The following KAT6B variants were observed in gnomAD, a reference collection of about 807,000 sequenced individuals.
KAT6B encodes lysine acetyltransferase 6B.
In KAT6B, 10 loss-of-function variants were observed where a neutral mutation model predicts 187.5. That is an observed-to-expected ratio of 0.05 (90% CI 0.03 to 0.09). KAT6B has a LOEUF of 0.09. Ranked by LOEUF, KAT6B falls within the 10% of genes least tolerant of loss-of-function variation. The probability of loss-of-function intolerance (pLI) is 1.00; values close to 1 mark genes in which losing one functional copy is unlikely to be tolerated. For synonymous variants in KAT6B, 861 were observed against 926.8 expected (o/e 0.93, Z 1.29); for missense variants, 1,952 against 2,558.9 (o/e 0.76, Z 5.12).
chr10:74,911,835 T>C (rs1847222980), intron 3 of KAT6B, among the ~76,000 whole-genome samples: 1 of 152,106 alleles, frequency 6.6e-6, no homozygotes, highest in African/African-American at 2.4e-5. Context: ...TTTTTGTTAT[T>C]ATTATTTTTT....
intron 10 of KAT6B, 106 bp from the exon 11 acceptor site, chr10:74,981,681 T>A: frequency 1.1e-6 from 1 of 883,790 alleles, no homozygotes; most frequent in Non-Finnish European, 1.9e-6. Context: ...GCCTCCAATG[T>A]TATTATACAG....
rs145378526 is a variant in KAT6B at position 74,977,330 on chromosome 10, A to G, written c.2008A>G (p.Ile670Val). Residue 670 changes from isoleucine (I) to valine (V), a missense_variant, in exon 9 of 18, where the codon ATA becomes GTA. Around this residue, in one of 9 missense-constraint regions of KAT6B, gnomAD observed 417 missense variants for 508.9 expected, o/e 0.82. Transcript: ENST00000287239. ...PDQDDDTEIK[I>V]NIKQESADVN... ...TTAAATGACAGATACTGAAATAAAA[A>G]TAAACATCAAACAAGAAAGTGCAGA... 38 of 1,613,498 alleles carry G rather than the reference A, an allele frequency of 2.4e-5. No individual in the cohort carries two copies. Among genetic ancestry groups the G allele is most frequent in the Middle Eastern group, 1.6e-4 (1 of 6,078 alleles).
At chr10:74,933,570 C>A (rs550994574) in intron 3 of KAT6B, among the ~76,000 whole-genome samples, 34 of 152,226 alleles carry the variant, frequency 2.2e-4, no homozygotes, top group Admixed American at 1.8e-3. Context: ...AGTTGTTTTC[C>A]CCCAATAAGT....
chr10:74,830,944 C>A (rs948161279), intron 1 of KAT6B, among the ~76,000 whole-genome samples: 1 of 150,554 alleles, frequency 6.6e-6, no homozygotes, highest in Non-Finnish European at 1.5e-5. Context: ...CCCACTACCA[C>A]AACCAGCTAA....
intron 4 of KAT6B, among the ~76,000 whole-genome samples, chr10:74,964,015 C>T (rs924657057): frequency 6.6e-6 from 1 of 152,100 alleles, no homozygotes; most frequent in Non-Finnish European, 1.5e-5. Context: ...CCTGTAATCC[C>T]AGCTACTCGG....
chr10:74,915,766 C>A (rs1416073734), intron 3 of KAT6B, among the ~76,000 whole-genome samples: 1 of 152,284 alleles, frequency 6.6e-6, no homozygotes, highest in Non-Finnish European at 1.5e-5. Flanking sequence ...TGCTGGTGGA[C>A]CAGTTGAAAT....
At chr10:75,013,071 C>A (rs1405322170) in intron 13 of KAT6B, among the ~76,000 whole-genome samples, 3 of 152,118 alleles carry the variant, frequency 2.0e-5, no homozygotes, top group Non-Finnish European at 4.4e-5. Flanking sequence ...CAGCCTCCTT[C>A]CCCAAAGACA....
chr10:74,897,940 C>A (rs1846101713), intron 3 of KAT6B, among the ~76,000 whole-genome samples: 1 of 152,016 alleles, frequency 6.6e-6, no homozygotes, highest in Non-Finnish European at 1.5e-5. Context: ...TTATTTTTGC[C>A]ATGTTAAATT....
intron 3 of KAT6B, among the ~76,000 whole-genome samples, 172 bp from the exon 4 acceptor site, chr10:74,959,798 A>G (rs777695623): frequency 6.6e-5 from 10 of 152,242 alleles, no homozygotes; most frequent in Non-Finnish European, 1.3e-4. Flanking sequence ...CAAAAATAAT[A>G]TAAGAGTTTT....
intron 12 of KAT6B, among the ~76,000 whole-genome samples, chr10:74,986,012 C>T (rs1478229392): frequency 5.3e-5 from 8 of 152,120 alleles, no homozygotes; most frequent in African/African-American, 9.7e-5. Context: ...CGCCACTGCA[C>T]TCCAGCCTGG....
chr10:74,826,820 G>C (rs530115608), intron 1 of KAT6B, 35 bp downstream of exon 1: 1 of 151,730 alleles, frequency 6.6e-6, no homozygotes, highest in Non-Finnish European at 1.5e-5. Flanking sequence ...CCAGGGGGAG[G>C]AGACTGGGCG....
At chr10:74,948,699 C>T (rs764401095) in intron 3 of KAT6B, among the ~76,000 whole-genome samples, 4 of 152,242 alleles carry the variant, frequency 2.6e-5, no homozygotes, top group Admixed American at 2.0e-4. Context: ...ATACACAGCT[C>T]TACTAAGTAT....
chr10:74,892,199 C>G (rs1845685523), intron 3 of KAT6B, among the ~76,000 whole-genome samples: 1 of 152,156 alleles, frequency 6.6e-6, no homozygotes, highest in African/African-American at 2.4e-5. Context: ...AAGACCCAGT[C>G]TCTACACAAA....
intron 3 of KAT6B, among the ~76,000 whole-genome samples, chr10:74,928,145 A>G (rs1315057341): frequency 6.6e-6 from 1 of 152,242 alleles, no homozygotes; most frequent in Non-Finnish European, 1.5e-5. Context: ...AATTCTTGAA[A>G]TTGTTAATCC....
At chr10:74,885,632 A>C (rs1845186716) in intron 3 of KAT6B, among the ~76,000 whole-genome samples, 1 of 152,192 alleles carries the variant, frequency 6.6e-6, no homozygotes, top group South Asian at 2.1e-4. Context: ...AGGATAAAGA[A>C]GTGTAGTAAA....
intron 3 of KAT6B, among the ~76,000 whole-genome samples, chr10:74,899,322 T>C (rs574551779): frequency 6.6e-6 from 1 of 150,666 alleles, no homozygotes; most frequent in East Asian, 2.0e-4. Context: ...TCAGTCAGGC[T>C]AGAATGCAAT....
At chr10:74,903,087 A>C (rs940175612) in intron 3 of KAT6B, among the ~76,000 whole-genome samples, 4 of 152,228 alleles carry the variant, frequency 2.6e-5, no homozygotes. Flanking sequence ...TTAAACGAAC[A>C]GGGATTTTGG....
chr10:74,951,822 A>C (rs183475489), intron 3 of KAT6B, among the ~76,000 whole-genome samples: 194 of 152,360 alleles, frequency 1.3e-3, no homozygotes, highest in African/African-American at 4.0e-3. Flanking sequence ...GATATACATG[A>C]AAATAAAAGA....
chr10:74,948,463 A>G (rs1051550740), intron 3 of KAT6B, among the ~76,000 whole-genome samples: 12 of 152,184 alleles, frequency 7.9e-5, no homozygotes, highest in Admixed American at 5.9e-4. Flanking sequence ...ATAACCACTT[A>G]CCTATGTCCC....
Sources: allele counts gnomAD v4.1 joint callset (sites outside exome capture counted in the v4.1 genomes callset), GRCh38; gene constraint gnomAD v4.1.1; regional missense constraint gnomAD v4.1.1; transcripts MANE v1.5; gene names NCBI Gene and HGNC (gene_info 2026-07-23, HGNC 2026-07-21).